The following PCDH15 variants were observed in gnomAD, a reference collection of about 807,000 sequenced individuals.
PCDH15 encodes protocadherin related 15.
Under a neutral mutation model 178.5 loss-of-function variants are expected in PCDH15, and 129 were observed. That is an observed-to-expected ratio of 0.72 (90% CI 0.63 to 0.84). PCDH15 has a LOEUF of 0.84. PCDH15 is among the 40% of genes least tolerant of loss of function. The probability of loss-of-function intolerance (pLI) is 0.00; values close to 1 mark genes in which losing one functional copy is unlikely to be tolerated. For synonymous variants in PCDH15, 800 were observed against 732.0 expected (o/e 1.09, Z -1.50); for missense variants, 2,230 against 2,099.9 (o/e 1.06, Z -1.21).
At chr10:55,419,473 G>A (rs1246865477) in intron 2 of PCDH15, among the ~76,000 whole-genome samples, 1 of 151,752 alleles carries the variant, frequency 6.6e-6, no homozygotes, top group African/African-American at 2.4e-5. Context: ...GAGATTGTTT[G>A]TATTTCTTTC....
intron 26 of PCDH15, among the ~76,000 whole-genome samples, chr10:53,901,856 A>G (rs2082357325): frequency 6.6e-6 from 1 of 152,118 alleles, no homozygotes; most frequent in Non-Finnish European, 1.5e-5. Context: ...CTTATCTAAA[A>G]TTGCACCACT....
At chr10:55,333,400 G>A (rs1565020194) in intron 2 of PCDH15, among the ~76,000 whole-genome samples, 1 of 151,648 alleles carries the variant, frequency 6.6e-6, no homozygotes, top group African/African-American at 2.4e-5. Flanking sequence ...GTTTCAATAA[G>A]AATTTCAAGA....
At chr10:54,258,156 G>A (rs1448163366) in intron 8 of PCDH15, among the ~76,000 whole-genome samples, 1 of 152,126 alleles carries the variant, frequency 6.6e-6, no homozygotes, top group African/African-American at 2.4e-5. Context: ...AACTGGAGAT[G>A]AGGTTGCTTA....
intron 14 of PCDH15, among the ~76,000 whole-genome samples, chr10:54,137,808 C>T (rs1420346199): frequency 6.6e-6 from 1 of 152,080 alleles, no homozygotes; most frequent in African/African-American, 2.4e-5. Flanking sequence ...TTTGTATGAC[C>T]AGCTGCAGAA....
At chr10:54,837,543 T>C (rs1295627838) in intron 3 of PCDH15, among the ~76,000 whole-genome samples, 1 of 152,126 alleles carries the variant, frequency 6.6e-6, no homozygotes, top group African/African-American at 2.4e-5. Flanking sequence ...TTTAAAAAAA[T>C]AAAGTGATTT....
At chr10:55,420,482 G>A (rs1838594831) in intron 2 of PCDH15, among the ~76,000 whole-genome samples, 1 of 151,220 alleles carries the variant, frequency 6.6e-6, no homozygotes, top group African/African-American at 2.4e-5. Context: ...TTCATCTTCA[G>A]AGTAGTACCT....
At chr10:55,119,141 C>G (rs993797592) in intron 2 of PCDH15, among the ~76,000 whole-genome samples, 1 of 152,112 alleles carries the variant, frequency 6.6e-6, no homozygotes, top group African/African-American at 2.4e-5. Context: ...ATTGTCCCAC[C>G]AGGCTTCACT....
chr10:53,827,700 A>C, intron 31 of PCDH15, 152 bp from the exon 32 acceptor site: 2 of 929,530 alleles, frequency 2.2e-6, no homozygotes, highest in Non-Finnish European at 3.3e-6. Flanking sequence ...GTAATTACAA[A>C]AGCATCCCCA....
intron 2 of PCDH15, among the ~76,000 whole-genome samples, chr10:55,465,452 T>C (rs1280732390): frequency 6.6e-6 from 1 of 152,126 alleles, no homozygotes; most frequent in African/African-American, 2.4e-5. Context: ...CAGACCTGGC[T>C]GCAACTAGGA....
At chr10:55,532,077 G>A (rs1176607539) in intron 2 of PCDH15, among the ~76,000 whole-genome samples, 1 of 151,936 alleles carries the variant, frequency 6.6e-6, no homozygotes, top group Non-Finnish European at 1.5e-5. Flanking sequence ...ATGAATAACA[G>A]TTGTACATAG....
chr10:54,625,895 A>G (rs1256014044), intron 2 of PCDH15, among the ~76,000 whole-genome samples: 1 of 152,152 alleles, frequency 6.6e-6, no homozygotes. Context: ...CTCCCTAGAG[A>G]CTTGTTGAAT....
At chr10:54,442,414 CTATATATATATATATATATATATA>C (rs71007859) in intron 3 of PCDH15, among the ~76,000 whole-genome samples, 10 of 19,166 alleles carry the variant, frequency 5.2e-4, no homozygotes, top group East Asian at 2.3e-3. Context: ...GCCTTAAAGG[CTATATATATATATATATATATATA>C]TATATATATA....
chr10:55,583,183 G>T (rs1183863948), intron 2 of PCDH15, among the ~76,000 whole-genome samples: 2 of 152,028 alleles, frequency 1.3e-5, no homozygotes, highest in Admixed American at 1.3e-4. Context: ...TGATAATTTT[G>T]CACATTAATC....
At chr10:55,465,793 G>C (rs935872397) in intron 2 of PCDH15, among the ~76,000 whole-genome samples, 10 of 152,092 alleles carry the variant, frequency 6.6e-5, no homozygotes, top group African/African-American at 2.4e-4. Flanking sequence ...CTAATATAGA[G>C]AACAGTTTGT....
intron 3 of PCDH15, among the ~76,000 whole-genome samples, chr10:54,511,527 A>T (rs1014759238): frequency 1.3e-5 from 2 of 152,118 alleles, no homozygotes; most frequent in Non-Finnish European, 2.9e-5. Flanking sequence ...CTTGATTCAT[A>T]TTGATTATTG....
rs116173073 is a variant in PCDH15 at position 54,203,567 on chromosome 10, G to A, written c.1099-7678C>T. On this transcript the variant is annotated intron_variant, in intron 10 of 37. Transcript: ENST00000644397. ...AGACAAACGCATATAGAATGTACCC[G>A]GAAGGCAGATAATGACAACATTCTG... 6.1e-3 allele frequency among the ~76,000 whole-genome samples: 924 copies of A among 152,172 alleles called. 9 individuals carry two copies. The highest frequency in any genetic ancestry group is 0.018 in the African/African-American group (758 of 41,528).
chr10:54,166,841 G>T (rs989601593), intron 13 of PCDH15, among the ~76,000 whole-genome samples: 1 of 152,146 alleles, frequency 6.6e-6, no homozygotes, highest in Non-Finnish European at 1.5e-5. Context: ...GCCAGTCCTT[G>T]CCTTAAGTGA....
chr10:54,994,737 C>T (rs1839593212), intron 2 of PCDH15, among the ~76,000 whole-genome samples: 1 of 152,012 alleles, frequency 6.6e-6, no homozygotes, highest in East Asian at 1.9e-4. Flanking sequence ...TATACAATAG[C>T]CATTTACTTG....
chr10:55,471,401 G>C (rs938165955), intron 2 of PCDH15, among the ~76,000 whole-genome samples: 4 of 152,168 alleles, frequency 2.6e-5, no homozygotes, highest in Non-Finnish European at 5.9e-5. Flanking sequence ...TTATGAATAA[G>C]TCATATACTG....
Sources: allele counts gnomAD v4.1 joint callset (sites outside exome capture counted in the v4.1 genomes callset), GRCh38; gene constraint gnomAD v4.1.1; transcripts MANE v1.5; gene names NCBI Gene and HGNC (gene_info 2026-07-23, HGNC 2026-07-21).